The following TTC7B variants were observed in gnomAD, a reference collection of about 807,000 sequenced individuals.
TTC7B encodes tetratricopeptide repeat protein 7B.
TTC7B carries 28 observed loss-of-function variants against 106.8 expected under a neutral mutation model. The ratio of observed to expected loss-of-function variants is 0.26; its 90% confidence interval spans 0.19 to 0.36. The LOEUF is 0.36. Among genes scored for constraint, TTC7B ranks in the 10% least tolerant of loss-of-function variants. The pLI is 1.00. For missense variants in TTC7B, 862 were observed against 1,076.4 expected (o/e 0.80, Z 2.79); for synonymous variants, 405 against 430.6 (o/e 0.94, Z 0.74).
chr14:90,593,288 C>A lies in TTC7B; in HGVS notation c.2107+198G>T, dbSNP rs61987010. Among the ~76,000 whole-genome samples the A allele has an allele frequency of 2.6e-5, 4 of 152,330 alleles. No individual in the cohort carries two copies. The East Asian group carries it at 7.7e-4, about 29-fold the overall frequency. On this transcript the variant is annotated intron_variant, in intron 18 of 19. Transcript: ENST00000328459. ...GGGCACCGAGGCAGGGGAGAGGGAT[C>A]GGGGGATACAGAGTCACTTGCGGTT...
chr14:90,623,725 G>C (rs892405873), intron 15 of TTC7B, among the ~76,000 whole-genome samples: 2 of 152,182 alleles, frequency 1.3e-5, no homozygotes, highest in Non-Finnish European at 2.9e-5. Context: ...GTTCTTTAAA[G>C]AACAATCACA....
chr14:90,799,739 A>G (rs1482556689), intron 1 of TTC7B, among the ~76,000 whole-genome samples: 1 of 152,164 alleles, frequency 6.6e-6, no homozygotes, highest in Non-Finnish European at 1.5e-5. Context: ...GTAAGCACAG[A>G]CTGTGGCAAG....
intron 5 of TTC7B, among the ~76,000 whole-genome samples, chr14:90,715,104 G>T (rs757320994): frequency 4.6e-5 from 7 of 152,150 alleles, no homozygotes; most frequent in Non-Finnish European, 1.0e-4. Context: ...TCTCAAATTG[G>T]CCAGACAAGC....
chr14:90,659,686 G>A (rs775314232), intron 9 of TTC7B, among the ~76,000 whole-genome samples: 10 of 152,282 alleles, frequency 6.6e-5, no homozygotes, highest in Admixed American at 2.6e-4. Flanking sequence ...GACGAGCTCC[G>A]CACGTGTGGC....
intron 7 of TTC7B, among the ~76,000 whole-genome samples, chr14:90,684,132 A>G (rs377648109): frequency 2.1e-5 from 3 of 145,950 alleles, no homozygotes; most frequent in Admixed American, 6.8e-5. Context: ...GAGACCTACA[A>G]AGGAGTTTAG....
Position 90,730,234 on chromosome 14 carries a change from C to T in TTC7B, c.577-38G>A, listed in dbSNP as rs374051101. ...AAAATTGGAAAACTAATCAGATGCA[C>T]ATCCAAGCCTACTTCCTTCAAACCC... On this transcript the variant is annotated intron_variant, in intron 4 of 19. Coordinates refer to ENST00000328459, the MANE Select transcript of TTC7B (RefSeq NM_001010854.2). The T allele has an allele frequency of 4.9e-5, 77 of 1,580,790 alleles. No homozygotes were observed. In the African/African-American group the frequency reaches 9.1e-4, roughly 19 times the overall value.
Position 90,537,262 on chromosome 14 carries a change from C to T in TTC7B, c.*4106G>A, listed in dbSNP as rs1889438565. The T allele has an allele frequency of 6.6e-6, 1 of 152,248 alleles. No individual in the cohort carries two copies. The highest frequency in any genetic ancestry group is 2.4e-5 in the African/African-American group (1 of 41,436). 9.4% of individuals were successfully genotyped at this position (152,248 alleles called of 1,614,324 possible). On this transcript the variant is annotated 3_prime_UTR_variant, in exon 20 of 20. Coordinates refer to ENST00000328459, the MANE Select transcript of TTC7B (RefSeq NM_001010854.2). Reference sequence around the variant, plus strand: ...TGGACTGCGGTGGCGTGATCACTCACTGCAGCCTCAACCACCTGGGCTCAA... The same window carrying T: ...TGGACTGCGGTGGCGTGATCACTCATTGCAGCCTCAACCACCTGGGCTCAA...
chr14:90,768,491 A>G (rs982068740), intron 3 of TTC7B, among the ~76,000 whole-genome samples: 1 of 152,212 alleles, frequency 6.6e-6, no homozygotes, highest in Non-Finnish European at 1.5e-5. Context: ...CCCTCCCTTG[A>G]TACATGGGGA....
chr14:90,728,725 C>T (rs1396804685), intron 5 of TTC7B, among the ~76,000 whole-genome samples: 1 of 152,152 alleles, frequency 6.6e-6, no homozygotes, highest in Non-Finnish European at 1.5e-5. Context: ...TTCAACTGAA[C>T]GTATGGGTAT....
At chr14:90,572,091 A>G (rs1244239697) in intron 19 of TTC7B, among the ~76,000 whole-genome samples, 1 of 152,140 alleles carries the variant, frequency 6.6e-6, no homozygotes, top group Non-Finnish European at 1.5e-5. Context: ...AGAGAGAAAA[A>G]CACCAGTGTT....
rs536718777 is a variant in TTC7B, at chr14:90,627,159, T to A, written c.1752-9114A>T. 2.6e-3 allele frequency among the ~76,000 whole-genome samples: 399 copies of A among 151,946 alleles called. 3 individuals carry two copies. Among genetic ancestry groups the A allele is most frequent in the African/African-American group, 8.8e-3 (364 of 41,454 alleles). ...ACCATGACTGGCTAATTAAAAAAAA[T>A]TTTTTAGTAGATATGGGGGTCTCAT... On this transcript the variant is annotated intron_variant, in intron 15 of 19. Transcript: ENST00000328459.
At chr14:90,613,091 T>C (rs744456) in intron 16 of TTC7B, among the ~76,000 whole-genome samples, 5,629 of 152,266 alleles carry the variant, frequency 0.037, 247 homozygotes, top group East Asian at 0.13. Flanking sequence ...CCACATTCAA[T>C]GTTTTCTCTC....
intron 13 of TTC7B, among the ~76,000 whole-genome samples, chr14:90,650,545 C>T (rs1225135756): frequency 1.3e-5 from 2 of 152,118 alleles, no homozygotes; most frequent in South Asian, 2.1e-4. Context: ...CAAGCTAGGA[C>T]AGAAAGGGGA....
chr14:90,731,425 C>T (rs941563006), intron 4 of TTC7B, among the ~76,000 whole-genome samples: 3 of 152,156 alleles, frequency 2.0e-5, no homozygotes, highest in Non-Finnish European at 2.9e-5. Context: ...GGTCTTGAAA[C>T]CTTAGTCTCC....
In TTC7B at chr14:90,608,683, A is replaced by T. The variant is rs1218178643; in HGVS notation, c.1966+2059T>A. ...TGTGTCACACAGGCACATCTTCCCT[A>T]AACACCATGGCATCTGAGAAAGCTG... On this transcript the variant is annotated intron_variant, in intron 17 of 19. Coordinates refer to ENST00000328459, the MANE Select transcript of TTC7B (RefSeq NM_001010854.2). The surrounding 1 kb of genome is among the most constrained non-coding windows in gnomAD (Gnocchi z 5.1). Among the ~76,000 whole-genome samples the T allele has an allele frequency of 6.6e-6, 1 of 152,190 alleles. No homozygotes were observed. Among genetic ancestry groups the T allele is most frequent in the African/African-American group, 2.4e-5 (1 of 41,456 alleles).
At chr14:90,630,455 C>T (rs1884645065) in intron 15 of TTC7B, among the ~76,000 whole-genome samples, 1 of 152,170 alleles carries the variant, frequency 6.6e-6, no homozygotes, top group Non-Finnish European at 1.5e-5. Flanking sequence ...AAAGGGAGCT[C>T]AGAAAGTTTC....
chr14:90,653,748 C>T (rs1442353903), intron 12 of TTC7B, among the ~76,000 whole-genome samples: 1 of 152,116 alleles, frequency 6.6e-6, no homozygotes, highest in African/African-American at 2.4e-5. Flanking sequence ...GAGACCATGG[C>T]TAACTTAGAA....
chr14:90,653,466 CT>C (rs1366020870), intron 12 of TTC7B, among the ~76,000 whole-genome samples: 1 of 152,202 alleles, frequency 6.6e-6, no homozygotes, highest in Non-Finnish European at 1.5e-5. Flanking sequence ...GTAGGCAAAC[CT>C]AACACTGATC....
At chr14:90,711,690 G>A (rs993727952) in intron 5 of TTC7B, among the ~76,000 whole-genome samples, 1 of 152,210 alleles carries the variant, frequency 6.6e-6, no homozygotes, top group African/African-American at 2.4e-5. Flanking sequence ...CCAAAGTGCT[G>A]GGATTACAGG....
Sources: gnomAD v4.1 joint callset for allele counts (sites outside exome capture counted in the v4.1 genomes callset) on GRCh38, gnomAD v4.1.1 for gene constraint, Gnocchi (gnomAD v3.1) non-coding constraint, MANE v1.5 for transcripts, NCBI Gene and HGNC (gene_info 2026-07-23, HGNC 2026-07-21) for gene names.